Variants in AXDND1 observed in about 807,000 individuals in gnomAD.
AXDND1 encodes the protein axonemal dynein light chain domain containing 1.
A neutral mutation model predicts 137.5 loss-of-function variants in AXDND1; 110 were observed. That is an observed-to-expected ratio of 0.80 (90% CI 0.69 to 0.94). The LOEUF is 0.94. AXDND1 is among the 40% of genes least tolerant of loss of function. The pLI, the probability that AXDND1 is intolerant of heterozygous loss-of-function variation, is 0.00. For synonymous variants in AXDND1, 414 were observed against 399.7 expected (o/e 1.04, Z -0.43); for missense variants, 1,191 against 1,169.8 (o/e 1.02, Z -0.26).
At chr1:179,430,642 T>G (rs1333843722) in intron 14 of AXDND1, 36 bp downstream of exon 14, 1 of 1,583,308 alleles carries the variant, frequency 6.3e-7, no homozygotes, top group Non-Finnish European at 8.6e-7. Context: ...CTGATTATAC[T>G]TATGTCTGAT....
At chr1:179,387,755 A>G (rs902945445) in intron 9 of AXDND1, among the ~76,000 whole-genome samples, 3 of 152,226 alleles carry the variant, frequency 2.0e-5, no homozygotes, top group African/African-American at 7.2e-5. Context: ...TCTGTGTACC[A>G]TATCCAATGT....
At chr1:179,494,106 T>A (rs955963291) in intron 20 of AXDND1, among the ~76,000 whole-genome samples, 1 of 152,000 alleles carries the variant, frequency 6.6e-6, no homozygotes, top group African/African-American at 2.4e-5. Flanking sequence ...CGTGCACCAC[T>A]ATGCCGGGCT....
intron 25 of AXDND1, among the ~76,000 whole-genome samples, chr1:179,538,498 G>A (rs148804207): frequency 0.32 from 48,051 of 151,720 alleles, 8,188 homozygotes; most frequent in Middle Eastern, 0.43. Context: ...GTTGTTGTGT[G>A]GTTTTGAGTG....
At chr1:179,369,868 C>T in intron 3 of AXDND1, 107 bp from the exon 4 acceptor site, 1 of 707,084 alleles carries the variant, frequency 1.4e-6, no homozygotes, top group Non-Finnish European at 2.3e-6. Flanking sequence ...CCTTAGAGTA[C>T]CCAAGTGCCC....
chr1:179,497,035 T>C (rs1475142235), intron 20 of AXDND1, among the ~76,000 whole-genome samples: 3 of 152,142 alleles, frequency 2.0e-5, no homozygotes, highest in Non-Finnish European at 2.9e-5. Context: ...TGTAATATGA[T>C]TTCATTGTAG....
At chr1:179,368,546 A>T (rs764558171) in intron 2 of AXDND1, among the ~76,000 whole-genome samples, 3 of 152,210 alleles carry the variant, frequency 2.0e-5, no homozygotes, top group Non-Finnish European at 4.4e-5. Flanking sequence ...ATTGAGAATC[A>T]TGCAGGTTCA....
intron 12 of AXDND1, among the ~76,000 whole-genome samples, chr1:179,418,921 C>T (rs1262755456): frequency 1.3e-5 from 2 of 150,622 alleles, no homozygotes; most frequent in Non-Finnish European, 3.0e-5. Context: ...GGCAGAGACG[C>T]TCCTCACCTC....
At chr1:179,472,112 G>T (rs1571982999) in intron 17 of AXDND1, among the ~76,000 whole-genome samples, 1 of 152,270 alleles carries the variant, frequency 6.6e-6, no homozygotes, top group East Asian at 1.9e-4. Context: ...GGCCAGGCTA[G>T]TCTCGAATTC....
At chr1:179,413,646 G>C (rs1356649782) in intron 12 of AXDND1, among the ~76,000 whole-genome samples, 1 of 152,054 alleles carries the variant, frequency 6.6e-6, no homozygotes, top group Admixed American at 6.5e-5. Context: ...ATTAATCATT[G>C]ATGGACACTT....
chr1:179,471,983 C>A (rs1431005663), intron 17 of AXDND1, among the ~76,000 whole-genome samples: 2 of 152,148 alleles, frequency 1.3e-5, no homozygotes, highest in East Asian at 3.8e-4. Flanking sequence ...CAACCTCCGC[C>A]TCCCAGATTC....
intron 9 of AXDND1, among the ~76,000 whole-genome samples, chr1:179,387,243 A>G (rs12749461): frequency 0.29 from 43,723 of 151,952 alleles, 6,492 homozygotes; most frequent in Non-Finnish European, 0.31. Flanking sequence ...ATGAGCAGAG[A>G]TTTATTGGCT....
chr1:179,396,549 G>A (rs4652373), intron 11 of AXDND1, among the ~76,000 whole-genome samples: 48,150 of 151,586 alleles, frequency 0.32, 8,150 homozygotes, highest in Middle Eastern at 0.44. Flanking sequence ...TTGGGAGGCT[G>A]AGGCAGGAGA....
At chr1:179,465,419 G>A (rs1047190604) in intron 16 of AXDND1, among the ~76,000 whole-genome samples, 3 of 152,182 alleles carry the variant, frequency 2.0e-5, no homozygotes, top group African/African-American at 4.8e-5. Flanking sequence ...TATCACCAGC[G>A]GAGGCTGCAG....
intron 25 of AXDND1, among the ~76,000 whole-genome samples, chr1:179,538,214 T>A (rs1021432791): frequency 7.9e-5 from 12 of 152,188 alleles, no homozygotes; most frequent in African/African-American, 2.7e-4. Context: ...CTGATCTTAG[T>A]TATTTCTGTC....
intron 11 of AXDND1, among the ~76,000 whole-genome samples, chr1:179,406,108 C>G (rs1406267948): frequency 6.6e-6 from 1 of 152,110 alleles, no homozygotes; most frequent in Admixed American, 6.6e-5. Flanking sequence ...AATGTATTTA[C>G]TGACCCAGTG....
At chr1:179,517,433 C>T (rs577752071) in intron 21 of AXDND1, among the ~76,000 whole-genome samples, 1 of 152,348 alleles carries the variant, frequency 6.6e-6, no homozygotes, top group Non-Finnish European at 1.5e-5. Flanking sequence ...AGTCTGTACA[C>T]TGGATTCATG....
At chr1:179,394,846 C>T (rs1650802642) in intron 10 of AXDND1, among the ~76,000 whole-genome samples, 1 of 152,122 alleles carries the variant, frequency 6.6e-6, no homozygotes, top group African/African-American at 2.4e-5. Context: ...ATCTGCCTCC[C>T]TCCATTCTAA....
At chr1:179,458,754 T>C (rs1427210167) in intron 16 of AXDND1, among the ~76,000 whole-genome samples, 2 of 151,812 alleles carry the variant, frequency 1.3e-5, no homozygotes, top group Non-Finnish European at 2.9e-5. Flanking sequence ...TACATAAATA[T>C]AATACTAAAA....
intron 16 of AXDND1, among the ~76,000 whole-genome samples, chr1:179,467,779 G>T (rs941899937): frequency 1.3e-5 from 2 of 152,138 alleles, no homozygotes; most frequent in Non-Finnish European, 2.9e-5. Context: ...AAGGAAGGCA[G>T]TGAAAATATT....
Sources: allele counts gnomAD v4.1 joint callset (sites outside exome capture counted in the v4.1 genomes callset), GRCh38; gene constraint gnomAD v4.1.1; transcripts MANE v1.5; gene names NCBI Gene and HGNC (gene_info 2026-07-23, HGNC 2026-07-21).